ARHGAP29: variants seen among roughly 807,000 people sequenced by gnomAD.
The protein encoded by ARHGAP29 is rho GTPase-activating protein 29.
ARHGAP29 carries 43 observed loss-of-function variants against 122.6 expected under a neutral mutation model. The ratio of observed to expected loss-of-function variants is 0.35; its 90% CI spans 0.27 to 0.45. The LOEUF (loss-of-function observed/expected upper bound fraction) is 0.45, where lower values mean the gene tolerates loss of function less well. ARHGAP29 is among the 20% of genes least tolerant of loss of function. The pLI is 1.00. For synonymous variants in ARHGAP29, 506 were observed against 497.1 expected, an observed-to-expected ratio of 1.02 and a Z score of -0.24; for missense variants, 1,303 against 1,477.2, an observed-to-expected ratio of 0.88 and a Z score of 1.93.
the ARHGAP29 span, among the ~76,000 whole-genome samples, chr1:94,301,215 T>C: frequency 1.3e-5 from 2 of 152,228 alleles, no homozygotes; most frequent in Admixed American, 6.5e-5. Context: ...CTCTTGTTAG[T>C]TTTTTCCTTT....
In ARHGAP29 at chr1:94,174,311, C is replaced by G; in HGVS notation, c.3344G>C (p.Gly1115Ala). ...TTGAGTGGCATTGATAGAATGGTCC[C>G]CACTAATCTGGAGGCTTGTTGTCAC... ...KGVTTSLQIS[G>A]DHSINATQPS... The change falls in exon 23 of 23, where the codon GGG (glycine) becomes GCG (alanine). Residue 1115 changes from glycine to alanine, a missense_variant. By Grantham distance (60) the Gly-to-Ala change is moderately conservative. Transcript: ENST00000260526. 1 of 1,614,128 alleles carries G rather than the reference C, an allele frequency of 6.2e-7. No homozygotes were observed.
At chr1:94,199,974 C>G (rs1035377383) in intron 12 of ARHGAP29, among the ~76,000 whole-genome samples, 1 of 152,120 alleles carries the variant, frequency 6.6e-6, no homozygotes, top group African/African-American at 2.4e-5. Context: ...GTACCTTAAA[C>G]CTTACACAAA....
At chr1:94,278,042 G>A (rs1001979677), upstream of ARHGAP29, among the ~76,000 whole-genome samples, 1 of 152,246 alleles carries the variant, frequency 6.6e-6, no homozygotes, top group Non-Finnish European at 1.5e-5. Flanking sequence ...TAGGCCGGAT[G>A]CAGCGGCTCA....
the ARHGAP29 span, among the ~76,000 whole-genome samples, chr1:94,311,790 G>A: frequency 6.6e-6 from 1 of 152,178 alleles, no homozygotes; most frequent in Non-Finnish European, 1.5e-5. Context: ...TTCCGCATAT[G>A]TACCACTAAG....
chr1:94,302,671 G>A, the ARHGAP29 span: 1 of 451,724 alleles, frequency 2.2e-6, no homozygotes. Context: ...AAGGCTGTGG[G>A]CAAGGTCATC....
At chr1:94,301,748 G>A in the ARHGAP29 span, among the ~76,000 whole-genome samples, 233 of 152,286 alleles carry the variant, frequency 1.5e-3, no homozygotes, top group Middle Eastern at 3.4e-3. Context: ...TGATCCAGGT[G>A]CAGTGCTAGG....
the ARHGAP29 span, among the ~76,000 whole-genome samples, chr1:94,280,720 GTGAACAAGGGAA>G: frequency 1.3e-5 from 2 of 152,336 alleles, no homozygotes; most frequent in East Asian, 3.9e-4. Context: ...GGAACGGTGA[GTGAACAAGGGAA>G]ATTTGATGTC....
At chr1:94,180,049 C>T in intron 19 of ARHGAP29, 92 bp from the exon 20 acceptor site, 1 of 805,084 alleles carries the variant, frequency 1.2e-6, no homozygotes, top group Non-Finnish European at 1.9e-6. Context: ...TTTAGCATGT[C>T]CCTTTACATT....
At chr1:94,253,809 A>G (rs1654217398) in intron 1 of ARHGAP29, among the ~76,000 whole-genome samples, 2 of 152,236 alleles carry the variant, frequency 1.3e-5, no homozygotes, top group Non-Finnish European at 2.9e-5. Flanking sequence ...AAACAATGCT[A>G]CTACTAGTGA....
chr1:94,233,090 G>A (rs970706472), intron 1 of ARHGAP29, among the ~76,000 whole-genome samples: 127 of 151,578 alleles, frequency 8.4e-4, no homozygotes, highest in Admixed American at 6.8e-3. Flanking sequence ...GACTCCAGGG[G>A]CACAACACCA....
At chr1:94,289,559 T>G in the ARHGAP29 span, among the ~76,000 whole-genome samples, 1 of 152,248 alleles carries the variant, frequency 6.6e-6, no homozygotes, top group Non-Finnish European at 1.5e-5. Context: ...AGGGCATCCT[T>G]GTCTGCTGTC....
At chr1:94,213,324 C>G (rs189005838) in intron 3 of ARHGAP29, among the ~76,000 whole-genome samples, 1 of 152,280 alleles carries the variant, frequency 6.6e-6, no homozygotes, top group Non-Finnish European at 1.5e-5. Flanking sequence ...GGACTACAGG[C>G]ACCCGCCACC....
upstream of ARHGAP29, among the ~76,000 whole-genome samples, chr1:94,279,199 T>A (rs183169250): frequency 6.6e-6 from 1 of 152,316 alleles, no homozygotes; most frequent in East Asian, 1.9e-4. Flanking sequence ...GCTGTGAAGA[T>A]CCTCCAGATG....
chr1:94,207,193 G>C (rs1345161925), intron 5 of ARHGAP29, among the ~76,000 whole-genome samples: 1 of 151,732 alleles, frequency 6.6e-6, no homozygotes, highest in Non-Finnish European at 1.5e-5. Context: ...ATTTTTAGTA[G>C]AGACTGGGTT....
chr1:94,258,655 G>A (rs985932101), intron 1 of ARHGAP29, among the ~76,000 whole-genome samples: 1 of 152,196 alleles, frequency 6.6e-6, no homozygotes, highest in African/African-American at 2.4e-5. Context: ...GGGCAGTTTA[G>A]GCCAGTTGTT....
chr1:94,254,898 T>G (rs1654270077), intron 1 of ARHGAP29, among the ~76,000 whole-genome samples: 1 of 152,170 alleles, frequency 6.6e-6, no homozygotes, highest in South Asian at 2.1e-4. Flanking sequence ...GAATCAGTAT[T>G]TGAAGTGCTA....
At chr1:94,269,833 A>G (rs1654921359) in intron 1 of ARHGAP29, among the ~76,000 whole-genome samples, 1 of 152,124 alleles carries the variant, frequency 6.6e-6, no homozygotes. Flanking sequence ...AATAAATAAT[A>G]GGTAAGTGCA....
chr1:94,188,370 AAT>A (rs1278071625), intron 15 of ARHGAP29, among the ~76,000 whole-genome samples: 1 of 152,184 alleles, frequency 6.6e-6, no homozygotes, highest in Non-Finnish European at 1.5e-5. Flanking sequence ...AACAATCCAA[AAT>A]ATGACAATTA....
rs549969358 is a variant in ARHGAP29, at chr1:94,170,716, C to G, written c.*3153G>C. Among the ~76,000 whole-genome samples the G allele has an allele frequency of 6.6e-6, 1 of 152,314 alleles. No individual in the cohort carries two copies. Among genetic ancestry groups the G allele is most frequent in the East Asian group, 1.9e-4 (1 of 5,182 alleles). ...CTACAAATGTAAATGAACATCTTTA[C>G]ACGACTGAGTCTTCTAATTCGTGTA... On this transcript the variant is annotated 3_prime_UTR_variant, in exon 23 of 23. Coordinates refer to ENST00000260526, the MANE Select transcript of ARHGAP29 (RefSeq NM_004815.4).
Sources: gnomAD v4.1 joint callset for allele counts (sites outside exome capture counted in the v4.1 genomes callset) on GRCh38, gnomAD v4.1.1 for gene constraint, MANE v1.5 for transcripts, NCBI Gene and HGNC (gene_info 2026-07-23, HGNC 2026-07-21) for gene names.